The following PDE4B variants were observed in gnomAD, a reference collection of about 807,000 sequenced individuals.
PDE4B encodes the protein 3',5'-cyclic-AMP phosphodiesterase 4B.
PDE4B carries 20 observed loss-of-function variants against 82.2 expected under a neutral mutation model. The ratio of observed to expected loss-of-function variants is 0.24; its 90% confidence interval spans 0.17 to 0.35. PDE4B has a LOEUF of 0.35. Among genes scored for constraint, PDE4B ranks in the 10% least tolerant of loss-of-function variants. The probability of loss-of-function intolerance (pLI) is 1.00; values close to 1 mark genes in which losing one functional copy is unlikely to be tolerated. For synonymous variants in PDE4B, 320 were observed against 318.9 expected, an observed-to-expected ratio of 1.00 and a Z score of -0.04; for missense variants, 655 against 907.2, an observed-to-expected ratio of 0.72 and a Z score of 3.57.
At chr1:65,909,416 T>G (rs2100446973) in intron 1 of PDE4B, among the ~76,000 whole-genome samples, 2 of 152,304 alleles carry the variant, frequency 1.3e-5, no homozygotes, top group Middle Eastern at 3.4e-3. Flanking sequence ...AACTCTAACC[T>G]GTGAAAGGTG....
At chr1:66,068,179 A>G (rs1269261991) in intron 3 of PDE4B, among the ~76,000 whole-genome samples, 2 of 151,898 alleles carry the variant, frequency 1.3e-5, no homozygotes, top group Non-Finnish European at 2.9e-5. Flanking sequence ...CGCTTCCGTG[A>G]AAAGCCAGGA....
At chr1:66,250,673 A>G (rs536470258) in intron 4 of PDE4B, among the ~76,000 whole-genome samples, 22 of 152,320 alleles carry the variant, frequency 1.4e-4, no homozygotes, top group Non-Finnish European at 2.6e-4. Context: ...CCTGTGTTGT[A>G]GTCATCCCAA....
chr1:65,796,646 C>CTTTT (rs71058429), intron 1 of PDE4B, among the ~76,000 whole-genome samples: 8 of 76,302 alleles, frequency 1.0e-4, no homozygotes, highest in African/African-American at 2.2e-4. Flanking sequence ...CTTGCTGAAA[C>CTTTT]TTTTTTTTTT....
chr1:65,875,802 G>T (rs1410789370), intron 1 of PDE4B, among the ~76,000 whole-genome samples: 1 of 125,920 alleles, frequency 7.9e-6, no homozygotes, highest in Non-Finnish European at 1.6e-5. Context: ...GGACTGTGGT[G>T]GGGTGGGGGG....
intron 3 of PDE4B, among the ~76,000 whole-genome samples, chr1:66,010,746 C>T (rs1012571818): frequency 2.0e-5 from 3 of 148,508 alleles, no homozygotes; most frequent in Admixed American, 6.8e-5. Context: ...TCAGCCTCAT[C>T]ATCCCCACGA....
intron 3 of PDE4B, among the ~76,000 whole-genome samples, chr1:66,134,456 C>T (rs2101122076): frequency 6.6e-6 from 1 of 152,290 alleles, no homozygotes; most frequent in Non-Finnish European, 1.5e-5. Context: ...CTGGAGGAAA[C>T]TCCTACTCAT....
chr1:65,821,987 C>T (rs1028983550), intron 1 of PDE4B, among the ~76,000 whole-genome samples: 3 of 152,120 alleles, frequency 2.0e-5, no homozygotes, highest in African/African-American at 7.2e-5. Context: ...CTGATGCATC[C>T]TATGTATTGC....
chr1:66,090,964 C>T (rs1469779054), intron 3 of PDE4B, among the ~76,000 whole-genome samples: 1 of 151,904 alleles, frequency 6.6e-6, no homozygotes, highest in Non-Finnish European at 1.5e-5. Flanking sequence ...GCTGTCACCA[C>T]ACCCCTTTCC....
At chr1:66,155,581 C>G (rs992142888) in intron 3 of PDE4B, among the ~76,000 whole-genome samples, 1 of 151,530 alleles carries the variant, frequency 6.6e-6, no homozygotes, top group Non-Finnish European at 1.5e-5. Context: ...TTTGTAACCA[C>G]TAGATTATTT....
intron 3 of PDE4B, among the ~76,000 whole-genome samples, chr1:66,065,414 G>T (rs1377749927): frequency 1.3e-5 from 2 of 151,844 alleles, no homozygotes; most frequent in Non-Finnish European, 2.9e-5. Context: ...TTTCAATTTA[G>T]AATAACTTAT....
At chr1:65,997,486 A>C (rs1464929872) in intron 3 of PDE4B, among the ~76,000 whole-genome samples, 3 of 152,188 alleles carry the variant, frequency 2.0e-5, no homozygotes, top group African/African-American at 4.8e-5. Flanking sequence ...AGGAAAAAAA[A>C]CAGTGAATAT....
At chr1:66,239,026 GTAAAAAC>G (rs1652676618) in intron 3 of PDE4B, among the ~76,000 whole-genome samples, 1 of 152,110 alleles carries the variant, frequency 6.6e-6, no homozygotes, top group Non-Finnish European at 1.5e-5. Flanking sequence ...CACTACTTTA[GTAAAAAC>G]TAGTTTTCCC....
chr1:65,825,173 C>T (rs1355416558), intron 1 of PDE4B, among the ~76,000 whole-genome samples: 1 of 152,172 alleles, frequency 6.6e-6, no homozygotes, highest in East Asian at 1.9e-4. Flanking sequence ...AGATAATTTG[C>T]TTCCCAAGGA....
intron 4 of PDE4B, among the ~76,000 whole-genome samples, chr1:66,250,887 A>G (rs576741180): frequency 1.3e-5 from 2 of 152,320 alleles, no homozygotes; most frequent in South Asian, 2.1e-4. Flanking sequence ...AAAGCCTTAC[A>G]CAGACAAGAA....
chr1:65,886,668 C>G (rs1435160647), intron 1 of PDE4B, among the ~76,000 whole-genome samples: 1 of 152,134 alleles, frequency 6.6e-6, no homozygotes, highest in African/African-American at 2.4e-5. Context: ...TTTCACTTAA[C>G]ATAATGACCT....
At position 65,924,296 on chromosome 1, in the gene PDE4B, G is replaced by A. The variant is rs372543353; in HGVS notation, c.281+5461G>A. ...TCACTGTTTTAGCCGGGATGGTCTC[G>A]ATCTCCTGACCTCGTGATCCGCCCG... On this transcript the variant is annotated intron_variant, in intron 3 of 16. Transcript: ENST00000341517. Among the ~76,000 whole-genome samples, 17 of 149,276 alleles carry A rather than the reference G, an allele frequency of 1.1e-4. No homozygotes were observed. In the East Asian group the frequency reaches 2.0e-3, roughly 17 times the overall value.
chr1:66,373,420 G>T lies in PDE4B; in HGVS notation c.*742G>T, dbSNP rs1302602283. 1 of 152,644 alleles carries T rather than the reference G, an allele frequency of 6.6e-6. No individual in the cohort carries two copies. 9.5% of individuals were successfully genotyped at this position (152,644 alleles called of 1,614,324 possible). ...AAACAGAATAAAATTGAACAAATTAGGGGGTAGAAAGGAGCAGTGGTGTCG... is the reference window on the plus strand; with the variant it reads ...AAACAGAATAAAATTGAACAAATTATGGGGTAGAAAGGAGCAGTGGTGTCG... On this transcript the variant is annotated 3_prime_UTR_variant, in exon 17 of 17. Transcript: ENST00000341517.
At chr1:66,288,244 C>A (rs1193244724) in intron 7 of PDE4B, among the ~76,000 whole-genome samples, 2 of 151,906 alleles carry the variant, frequency 1.3e-5, no homozygotes, top group African/African-American at 4.8e-5. Context: ...TTTTAAATAG[C>A]CAGATCTTAT....
chr1:65,832,316 G>C (rs1197538473), intron 1 of PDE4B, among the ~76,000 whole-genome samples: 1 of 152,060 alleles, frequency 6.6e-6, no homozygotes, highest in Non-Finnish European at 1.5e-5. Context: ...ACTTGAATAA[G>C]GACTGAAATA....
Sources: allele counts gnomAD v4.1 joint callset (sites outside exome capture counted in the v4.1 genomes callset), GRCh38; gene constraint gnomAD v4.1.1; transcripts MANE v1.5; gene names NCBI Gene and HGNC (gene_info 2026-07-23, HGNC 2026-07-21).